PEAK1: variants seen among roughly 807,000 people sequenced by gnomAD.
PEAK1 encodes the protein inactive tyrosine-protein kinase PEAK1.
In PEAK1, 54 loss-of-function variants were observed where a neutral mutation model predicts 124.7. The ratio of observed to expected loss-of-function variants is 0.43; its 90% CI spans 0.35 to 0.54. PEAK1 has a LOEUF of 0.54. Among genes scored for constraint, PEAK1 ranks in the 20% least tolerant of loss-of-function variants. The pLI is 0.01. For missense variants in PEAK1, 2,046 were observed against 2,134.5 expected (o/e 0.96, Z 0.82); for synonymous variants, 719 against 760.0 (o/e 0.95, Z 0.89).
At chr15:77,119,431 C>A (rs2051708626) in intron 9 of PEAK1, among the ~76,000 whole-genome samples, 1 of 152,208 alleles carries the variant, frequency 6.6e-6, no homozygotes, top group African/African-American at 2.4e-5. Flanking sequence ...ATCAATTGAT[C>A]ATTCAAACAA....
intron 2 of PEAK1, chr15:77,345,965 T>C (rs2066850927): frequency 1.0e-6 from 1 of 985,254 alleles, no homozygotes; most frequent in South Asian, 4.7e-5. Flanking sequence ...AGGTCTATCA[T>C]GGTCAAAAAG....
At chr15:77,397,569 T>C (rs951607868) in intron 1 of PEAK1, among the ~76,000 whole-genome samples, 7 of 150,410 alleles carry the variant, frequency 4.7e-5, no homozygotes, top group African/African-American at 1.7e-4. Context: ...GAAAGAAGAC[T>C]CAAATAAATA....
At chr15:77,285,993 G>A (rs1173517992) in intron 3 of PEAK1, among the ~76,000 whole-genome samples, 1 of 152,150 alleles carries the variant, frequency 6.6e-6, no homozygotes, top group Non-Finnish European at 1.5e-5. Flanking sequence ...TGGGCATCTA[G>A]TGCTATAAAT....
intron 2 of PEAK1, chr15:77,346,712 G>A: frequency 5.1e-6 from 5 of 983,256 alleles, no homozygotes; most frequent in Non-Finnish European, 6.0e-6. Context: ...AAAGGAAAAT[G>A]AAAAAGAATG....
intron 2 of PEAK1, among the ~76,000 whole-genome samples, chr15:77,360,216 T>C (rs1955002673): frequency 6.6e-6 from 1 of 152,106 alleles, no homozygotes; most frequent in Non-Finnish European, 1.5e-5. Flanking sequence ...ACCCCTACAT[T>C]ACACCATTTA....
intron 1 of PEAK1, among the ~76,000 whole-genome samples, chr15:77,414,407 C>T (rs1463123287): frequency 2.1e-5 from 3 of 144,228 alleles, no homozygotes; most frequent in Admixed American, 6.9e-5. Context: ...TTTTTGTAAG[C>T]GACGGGGTTT....
At chr15:77,376,268 A>C (rs17385648) in intron 1 of PEAK1, among the ~76,000 whole-genome samples, 41,406 of 152,104 alleles carry the variant, frequency 0.27, 6,707 homozygotes, top group Middle Eastern at 0.37. Flanking sequence ...ACTTGGCTAA[A>C]TGAAGATTAA....
At chr15:77,162,917 A>C (rs2055787343) in intron 7 of PEAK1, among the ~76,000 whole-genome samples, 1 of 152,066 alleles carries the variant, frequency 6.6e-6, no homozygotes, top group African/African-American at 2.4e-5. Flanking sequence ...AGTGTATCTA[A>C]TTTTTTTTCA....
chr15:77,266,682 T>C (rs902325277), intron 5 of PEAK1, among the ~76,000 whole-genome samples: 12 of 152,088 alleles, frequency 7.9e-5, no homozygotes, highest in African/African-American at 2.9e-4. Context: ...TAAGAATTAT[T>C]TTACAAGGGA....
downstream of PEAK1, chr15:77,106,510 C>G (rs188328866): frequency 6.6e-6 from 1 of 152,308 alleles, no homozygotes; most frequent in Non-Finnish European, 1.5e-5. Context: ...ACTACAGGTG[C>G]CCACCACCAA....
At chr15:77,183,152 T>A (rs888173243) in intron 6 of PEAK1, among the ~76,000 whole-genome samples, 1 of 152,212 alleles carries the variant, frequency 6.6e-6, no homozygotes, top group Non-Finnish European at 1.5e-5. Context: ...ACGAGAATAA[T>A]GTTCTGCAAC....
intron 8 of PEAK1, among the ~76,000 whole-genome samples, chr15:77,139,622 T>C (rs1179203273): frequency 6.6e-6 from 1 of 152,308 alleles, no homozygotes; most frequent in African/African-American, 2.4e-5. Context: ...CATCATTATA[T>C]AGCACATGAC....
chr15:77,105,320 GTGTGT>G (rs2050737459), downstream of PEAK1: 1 of 24,948 alleles, frequency 4.0e-5, no homozygotes, highest in African/African-American at 2.1e-4. Flanking sequence ...ATTAGTTGGT[GTGTGT>G]GTGTGTGTGT....
intron 7 of PEAK1, among the ~76,000 whole-genome samples, chr15:77,160,028 CT>C (rs1013352198): frequency 6.6e-6 from 1 of 151,984 alleles, no homozygotes; most frequent in African/African-American, 2.4e-5. Flanking sequence ...GAAGGAATCA[CT>C]TTTCTAGCAG....
chr15:77,172,768 A>G (rs1312647032), intron 7 of PEAK1, among the ~76,000 whole-genome samples: 1 of 152,084 alleles, frequency 6.6e-6, no homozygotes, highest in African/African-American at 2.4e-5. Flanking sequence ...CACCAAGGGA[A>G]TTCTTACAGG....
intron 2 of PEAK1, among the ~76,000 whole-genome samples, chr15:77,305,047 T>A (rs1390559886): frequency 6.6e-6 from 1 of 151,552 alleles, no homozygotes; most frequent in East Asian, 1.9e-4. Context: ...CTTGGGAAGC[T>A]GAGGTGGATC....
downstream of PEAK1, chr15:77,107,193 T>C (rs1375294401): frequency 6.6e-6 from 1 of 152,272 alleles, no homozygotes; most frequent in Non-Finnish European, 1.5e-5. Context: ...TGCTGACAAC[T>C]AGAAGGGAAG....
chr15:77,162,791 C>A (rs1018695489), intron 7 of PEAK1, among the ~76,000 whole-genome samples: 7 of 152,116 alleles, frequency 4.6e-5, no homozygotes, highest in Non-Finnish European at 8.8e-5. Context: ...AAATTTCCCC[C>A]ATTTCATCCA....
chr15:77,319,060 T>A (rs2065042414), intron 2 of PEAK1, among the ~76,000 whole-genome samples: 1 of 152,166 alleles, frequency 6.6e-6, no homozygotes, highest in African/African-American at 2.4e-5. Context: ...AAGAAGACTG[T>A]CTCCAGCTAT....
Sources: allele counts gnomAD v4.1 joint callset (sites outside exome capture counted in the v4.1 genomes callset), GRCh38; gene constraint gnomAD v4.1.1; transcripts MANE v1.5; gene names NCBI Gene and HGNC (gene_info 2026-07-23, HGNC 2026-07-21).